TSHZ2: variants seen among roughly 807,000 people sequenced by gnomAD.
The protein encoded by TSHZ2 is teashirt zinc finger homeobox 2.
In TSHZ2, 21 loss-of-function variants were observed where a neutral mutation model predicts 74.4. That is an observed-to-expected ratio of 0.28 (90% confidence interval 0.20 to 0.41). The LOEUF is 0.41. TSHZ2 is among the 10% of genes least tolerant of loss of function. The pLI is 1.00. For missense variants in TSHZ2, 1,244 were observed against 1,293.5 expected, an observed-to-expected ratio of 0.96 and a Z score of 0.59; for synonymous variants, 540 against 515.3, an observed-to-expected ratio of 1.05 and a Z score of -0.65.
intron 1 of TSHZ2, among the ~76,000 whole-genome samples, chr20:53,013,277 C>T (rs1982921782): frequency 6.6e-6 from 1 of 152,154 alleles, no homozygotes; most frequent in Non-Finnish European, 1.5e-5. Context: ...ACAGGCTCTA[C>T]TTGTTAATGG....
chr20:53,071,977 G>A (rs1985188675), intron 1 of TSHZ2, among the ~76,000 whole-genome samples: 1 of 152,170 alleles, frequency 6.6e-6, no homozygotes, highest in Non-Finnish European at 1.5e-5. Context: ...CAAAACAGAT[G>A]GGAGCTTTTA....
At chr20:53,441,838 T>C (rs1282111465) in intron 2 of TSHZ2, among the ~76,000 whole-genome samples, 2 of 152,182 alleles carry the variant, frequency 1.3e-5, no homozygotes, top group Non-Finnish European at 2.9e-5. Flanking sequence ...CGCCTCAGCC[T>C]CCCAAAGTGC....
At chr20:53,096,564 A>ATAAG (rs1986054819) in intron 1 of TSHZ2, among the ~76,000 whole-genome samples, 1 of 152,162 alleles carries the variant, frequency 6.6e-6, no homozygotes, top group African/African-American at 2.4e-5. Context: ...TGTCATTATC[A>ATAAG]TAAGCATCAT....
intron 1 of TSHZ2, chr20:53,185,631 A>G: frequency 6.5e-7 from 1 of 1,536,018 alleles, no homozygotes; most frequent in Non-Finnish European, 8.7e-7. Context: ...AAAAAAGAAA[A>G]AAAAGAAAGA....
chr20:53,337,062 G>A (rs1236124930), intron 2 of TSHZ2, among the ~76,000 whole-genome samples: 1 of 152,180 alleles, frequency 6.6e-6, no homozygotes, highest in East Asian at 1.9e-4. Flanking sequence ...TTATACTGTT[G>A]TGCAGCATGG....
chr20:52,983,055 T>A (rs1568703540), intron 1 of TSHZ2, among the ~76,000 whole-genome samples: 1 of 152,110 alleles, frequency 6.6e-6, no homozygotes, highest in Non-Finnish European at 1.5e-5. Flanking sequence ...ATGATAGAGG[T>A]GGCAGCTGGA....
chr20:53,000,135 C>A (rs967866542), intron 1 of TSHZ2, among the ~76,000 whole-genome samples: 4 of 152,192 alleles, frequency 2.6e-5, no homozygotes, highest in Non-Finnish European at 5.9e-5. Context: ...ATATATGTTT[C>A]AAGCAGGGGT....
chr20:53,226,154 A>G (rs1244459917), intron 1 of TSHZ2, among the ~76,000 whole-genome samples: 2 of 145,788 alleles, frequency 1.4e-5, no homozygotes, highest in African/African-American at 2.6e-5. Context: ...ACACACACAC[A>G]CACACATGCA....
intron 1 of TSHZ2, among the ~76,000 whole-genome samples, chr20:52,989,428 G>A (rs1479383151): frequency 6.6e-6 from 1 of 152,032 alleles, no homozygotes; most frequent in Non-Finnish European, 1.5e-5. Context: ...TGGAATAGAA[G>A]AAAGAACTGT....
intron 2 of TSHZ2, among the ~76,000 whole-genome samples, chr20:53,455,908 G>A (rs1350719742): frequency 6.6e-6 from 1 of 151,408 alleles, no homozygotes; most frequent in African/African-American, 2.4e-5. Context: ...TTTTACGGCT[G>A]CATAGTATTC....
At chr20:53,024,572 G>A (rs555328898) in intron 1 of TSHZ2, among the ~76,000 whole-genome samples, 109 of 151,964 alleles carry the variant, frequency 7.2e-4, no homozygotes, top group African/African-American at 2.5e-3. Context: ...AGGTATACAC[G>A]TGCCATGGTG....
At chr20:53,324,577 T>C (rs1192523879) in intron 2 of TSHZ2, among the ~76,000 whole-genome samples, 1 of 152,102 alleles carries the variant, frequency 6.6e-6, no homozygotes, top group Non-Finnish European at 1.5e-5. Context: ...GGTTTCACCG[T>C]GTTGCTTAGG....
chr20:53,471,770 C>CT (rs11481909), intron 2 of TSHZ2, among the ~76,000 whole-genome samples: 29,091 of 145,178 alleles, frequency 0.2, 3,075 homozygotes, highest in East Asian at 0.29. Flanking sequence ...ACAAGTTTGT[C>CT]TTTTTTCTAA....
intron 1 of TSHZ2, among the ~76,000 whole-genome samples, chr20:53,147,066 T>C (rs1428974059): frequency 6.6e-6 from 1 of 152,250 alleles, no homozygotes; most frequent in Non-Finnish European, 1.5e-5. Context: ...TCCATTTTGA[T>C]GCTAAGGTTG....
At chr20:53,245,579 C>T (rs1255069619) in intron 1 of TSHZ2, among the ~76,000 whole-genome samples, 3 of 152,204 alleles carry the variant, frequency 2.0e-5, no homozygotes, top group Non-Finnish European at 2.9e-5. Context: ...TTGCAATTTA[C>T]ATCCAAACTT....
chr20:53,228,105 C>G (rs1166915700), intron 1 of TSHZ2, among the ~76,000 whole-genome samples: 1 of 37,618 alleles, frequency 2.7e-5, no homozygotes, highest in African/African-American at 9.0e-5. Flanking sequence ...GCCCCCAAAA[C>G]ACACACACAC....
At chr20:53,423,125 G>A (rs1423118676) in intron 2 of TSHZ2, among the ~76,000 whole-genome samples, 6 of 152,160 alleles carry the variant, frequency 3.9e-5, no homozygotes, top group South Asian at 2.1e-4. Flanking sequence ...TGGGTTGGGC[G>A]CCGTGGCTTA....
chr20:53,199,167 T>C (rs1339351877), intron 1 of TSHZ2, among the ~76,000 whole-genome samples: 1 of 152,232 alleles, frequency 6.6e-6, no homozygotes, highest in Non-Finnish European at 1.5e-5. Flanking sequence ...TGTTAGTTTG[T>C]AGAATTATAT....
At chr20:53,252,700 CAG>C (rs1021134495) in intron 1 of TSHZ2, among the ~76,000 whole-genome samples, 16 of 152,332 alleles carry the variant, frequency 1.1e-4, no homozygotes, top group African/African-American at 3.8e-4. Flanking sequence ...CCACAAATCA[CAG>C]TGCATTTGAA....
Sources: allele counts gnomAD v4.1 joint callset (sites outside exome capture counted in the v4.1 genomes callset), GRCh38; gene constraint gnomAD v4.1.1; transcripts MANE v1.5; gene names NCBI Gene and HGNC (gene_info 2026-07-23, HGNC 2026-07-21).